Variants in GRIA4 observed in about 807,000 individuals in gnomAD.
The protein encoded by GRIA4 is glutamate ionotropic receptor AMPA type subunit 4, also known as glutamate receptor 4.
In GRIA4, 34 loss-of-function variants were observed where a neutral mutation model predicts 104.0. That is an observed-to-expected ratio of 0.33 (90% CI 0.25 to 0.44). The LOEUF is 0.44. GRIA4 is among the 20% of genes least tolerant of loss of function. The pLI, the probability that GRIA4 is intolerant of heterozygous loss-of-function variation, is 1.00. For synonymous variants in GRIA4, 386 were observed against 381.9 expected (o/e 1.01, Z -0.13); for missense variants, 750 against 1,096.5 (o/e 0.68, Z 4.46).
intron 3 of GRIA4, among the ~76,000 whole-genome samples, chr11:105,619,314 A>T (rs1204700981): frequency 2.0e-5 from 3 of 152,010 alleles, no homozygotes; most frequent in Non-Finnish European, 4.4e-5. Context: ...TATGAATATT[A>T]GAAAATAATT....
intron 5 of GRIA4, among the ~76,000 whole-genome samples, chr11:105,866,156 T>C (rs1165362783): frequency 3.3e-5 from 5 of 152,166 alleles, no homozygotes; most frequent in Admixed American, 6.5e-5. Context: ...AAAACGTAAA[T>C]GGAATCACTA....
At chr11:105,671,811 C>A (rs1952383664) in intron 3 of GRIA4, among the ~76,000 whole-genome samples, 1 of 151,200 alleles carries the variant, frequency 6.6e-6, no homozygotes, top group South Asian at 2.1e-4. Context: ...ACGTTCTATT[C>A]CATTCTTACA....
chr11:105,869,985 AAGAC>A (rs1159435568), intron 5 of GRIA4, among the ~76,000 whole-genome samples: 2 of 152,032 alleles, frequency 1.3e-5, no homozygotes, highest in African/African-American at 4.8e-5. Context: ...ATAAAAATGA[AAGAC>A]AGTTTAAGAT....
intron 4 of GRIA4, among the ~76,000 whole-genome samples, chr11:105,763,635 G>C (rs899686468): frequency 2.6e-5 from 4 of 151,988 alleles, no homozygotes; most frequent in African/African-American, 9.7e-5. Context: ...TTCTTTTAAG[G>C]GTTTCATTCT....
intron 3 of GRIA4, among the ~76,000 whole-genome samples, chr11:105,663,982 T>C (rs963014337): frequency 1.3e-5 from 2 of 151,244 alleles, no homozygotes; most frequent in Non-Finnish European, 2.9e-5. Flanking sequence ...CTTACTACCA[T>C]GATAATAATA....
At chr11:105,636,735 G>A (rs192891947) in intron 3 of GRIA4, among the ~76,000 whole-genome samples, 29 of 152,302 alleles carry the variant, frequency 1.9e-4, no homozygotes, top group African/African-American at 6.5e-4. Flanking sequence ...TCCATGAGCT[G>A]TTTGTAAAGG....
chr11:105,641,981 C>G (rs561132525), intron 3 of GRIA4, among the ~76,000 whole-genome samples: 2 of 152,260 alleles, frequency 1.3e-5, no homozygotes, highest in East Asian at 3.9e-4. Context: ...AGGCCTTTCT[C>G]CTTGGCTTGT....
intron 3 of GRIA4, among the ~76,000 whole-genome samples, chr11:105,624,481 T>C (rs1228809198): frequency 2.6e-5 from 4 of 152,112 alleles, no homozygotes; most frequent in African/African-American, 9.7e-5. Context: ...GAGTCAAATG[T>C]ATAATGTTAT....
intron 3 of GRIA4, among the ~76,000 whole-genome samples, chr11:105,734,241 G>T (rs1020812912): frequency 6.6e-6 from 1 of 151,752 alleles, no homozygotes; most frequent in Admixed American, 6.6e-5. Context: ...TTGGTAAATG[G>T]TAAACACAAC....
chr11:105,793,063 C>A (rs1457285874), intron 4 of GRIA4, among the ~76,000 whole-genome samples: 1 of 152,150 alleles, frequency 6.6e-6, no homozygotes, highest in Non-Finnish European at 1.5e-5. Context: ...AGTTCTTATG[C>A]CAGCAGGCTA....
intron 12 of GRIA4, 96 bp from the exon 13 acceptor site, chr11:105,926,645 T>A: frequency 1.3e-6 from 1 of 775,614 alleles, no homozygotes; most frequent in Non-Finnish European, 2.2e-6. Context: ...TTGGCAATTG[T>A]TATTTTTAAA....
At chr11:105,617,487 G>A (rs902094397) in intron 3 of GRIA4, among the ~76,000 whole-genome samples, 21 of 151,836 alleles carry the variant, frequency 1.4e-4, no homozygotes, top group Non-Finnish European at 3.1e-4. Flanking sequence ...CCATAAGGGT[G>A]TGAAAAAGAT....
chr11:105,614,201 AT>A (rs1295447779), intron 3 of GRIA4: 1 of 151,612 alleles, frequency 6.6e-6, no homozygotes. Context: ...TTATTATTAA[AT>A]TTTGAAAGAT....
At chr11:105,957,182 C>T (rs7116046) in intron 14 of GRIA4, among the ~76,000 whole-genome samples, 54,111 of 152,018 alleles carry the variant, frequency 0.36, 9,761 homozygotes, top group Non-Finnish European at 0.39. Context: ...AAAGTCCTTG[C>T]CCATGCCTAT....
In GRIA4 at chr11:105,830,084, C is replaced by T. The variant is rs929280402; in HGVS notation, c.488-31940C>T. On this transcript the variant is annotated intron_variant, in intron 4 of 16. Transcript: ENST00000282499. Reference sequence around the variant, plus strand: ...ATTCTCTATTGCCTGCTGCATGAAACTCAAACCCCTTAGCTTAACATCAAA... The same window carrying T: ...ATTCTCTATTGCCTGCTGCATGAAATTCAAACCCCTTAGCTTAACATCAAA... Among the ~76,000 whole-genome samples, 7 of 152,112 alleles carry T rather than the reference C, an allele frequency of 4.6e-5. No individual in the cohort carries two copies. The South Asian group carries it at 1.5e-3, about 32-fold the overall frequency.
chr11:105,928,846 T>G (rs1376357908), intron 13 of GRIA4, among the ~76,000 whole-genome samples: 2 of 152,060 alleles, frequency 1.3e-5, no homozygotes, highest in Admixed American at 1.3e-4. Context: ...ATGCTTAAAT[T>G]CAAAGAACTG....
chr11:105,632,015 G>A (rs77545114), intron 3 of GRIA4, among the ~76,000 whole-genome samples: 1 of 152,238 alleles, frequency 6.6e-6, no homozygotes, highest in East Asian at 1.9e-4. Flanking sequence ...AATGAATAGT[G>A]TTGGAGGGAG....
intron 10 of GRIA4, among the ~76,000 whole-genome samples, chr11:105,910,864 G>T (rs200418934): frequency 1.3e-5 from 2 of 152,020 alleles, no homozygotes; most frequent in Non-Finnish European, 2.9e-5. Flanking sequence ...CATGCCAAAG[G>T]TCAACCACCA....
intron 3 of GRIA4, among the ~76,000 whole-genome samples, chr11:105,721,765 G>A (rs1052638583): frequency 6.6e-6 from 1 of 152,014 alleles, no homozygotes; most frequent in Non-Finnish European, 1.5e-5. Flanking sequence ...CCCACAGCAG[G>A]GTAAATCTCA....
Sources: gnomAD v4.1 joint callset for allele counts (sites outside exome capture counted in the v4.1 genomes callset) on GRCh38, gnomAD v4.1.1 for gene constraint, MANE v1.5 for transcripts, NCBI Gene and HGNC (gene_info 2026-07-23, HGNC 2026-07-21) for gene names.